GHR: variants seen among roughly 807,000 people sequenced by gnomAD.
GHR encodes GH receptor.
GHR carries 35 observed loss-of-function variants against 67.1 expected under a neutral mutation model. The observed-to-expected ratio is 0.52, with a 90% CI of 0.40 to 0.69. The LOEUF (loss-of-function observed/expected upper bound fraction) is 0.69. GHR is among the 30% of genes least tolerant of loss of function. GHR has a pLI of 0.00. For synonymous variants in GHR, 272 were observed against 269.1 expected (o/e 1.01, Z -0.10); for missense variants, 792 against 764.6 (o/e 1.04, Z -0.42).
At chr5:42,621,457 A>C (rs1479870082) in intron 2 of GHR, among the ~76,000 whole-genome samples, 1 of 152,122 alleles carries the variant, frequency 6.6e-6, no homozygotes, top group Non-Finnish European at 1.5e-5. Flanking sequence ...GATGTTTATG[A>C]AAAACTCACC....
intron 6 of GHR, among the ~76,000 whole-genome samples, chr5:42,701,030 T>A (rs1757904580): frequency 6.6e-6 from 1 of 152,204 alleles, no homozygotes; most frequent in African/African-American, 2.4e-5. Flanking sequence ...AAATAACTAC[T>A]ATGCAGAAGG....
intron 1 of GHR, among the ~76,000 whole-genome samples, chr5:42,447,882 T>A (rs1367219214): frequency 6.6e-6 from 1 of 151,850 alleles, no homozygotes; most frequent in Non-Finnish European, 1.5e-5. Context: ...GCAATTCTCC[T>A]GTCTCAGCCT....
chr5:42,473,047 GA>G (rs1745079236), intron 1 of GHR, among the ~76,000 whole-genome samples: 1 of 152,232 alleles, frequency 6.6e-6, no homozygotes, highest in South Asian at 2.1e-4. Flanking sequence ...CTAAGTGAAA[GA>G]GGTATGAATA....
intron 3 of GHR, among the ~76,000 whole-genome samples, chr5:42,664,422 C>T (rs1195718322): frequency 6.6e-6 from 1 of 152,114 alleles, no homozygotes; most frequent in Non-Finnish European, 1.5e-5. Flanking sequence ...CAGAACAGAG[C>T]CCTCAGAAAT....
At chr5:42,473,914 G>T (rs565676970) in intron 1 of GHR, among the ~76,000 whole-genome samples, 39 of 151,492 alleles carry the variant, frequency 2.6e-4, no homozygotes, top group African/African-American at 9.2e-4. Flanking sequence ...CTAGCCAGGC[G>T]TGGTGGTTCA....
intron 1 of GHR, among the ~76,000 whole-genome samples, chr5:42,533,478 AT>A (rs933883174): frequency 8.9e-4 from 135 of 151,928 alleles, no homozygotes; most frequent in African/African-American, 3.2e-3. Context: ...TATAGTTAAT[AT>A]TTTTTATTAC....
At chr5:42,500,931 T>C (rs940753945) in intron 1 of GHR, among the ~76,000 whole-genome samples, 1 of 152,056 alleles carries the variant, frequency 6.6e-6, no homozygotes, top group African/African-American at 2.4e-5. Context: ...TAGAATAACT[T>C]ACAATGAAAA....
At chr5:42,564,476 G>A (rs978353868) in intron 1 of GHR, among the ~76,000 whole-genome samples, 1 of 152,186 alleles carries the variant, frequency 6.6e-6, no homozygotes, top group Non-Finnish European at 1.5e-5. Context: ...ATGAAGTAGT[G>A]TATGAAGGAG....
At chr5:42,610,226 T>C (rs1340449457) in intron 2 of GHR, among the ~76,000 whole-genome samples, 1 of 152,180 alleles carries the variant, frequency 6.6e-6, no homozygotes, top group East Asian at 1.9e-4. Context: ...GCTGTGTTCT[T>C]GCAGCTGCTG....
At chr5:42,669,811 A>G (rs1391352708) in intron 3 of GHR, among the ~76,000 whole-genome samples, 1 of 152,232 alleles carries the variant, frequency 6.6e-6, no homozygotes, top group African/African-American at 2.4e-5. Context: ...TTAGGAGTAA[A>G]TTTAACCAAG....
intron 3 of GHR, among the ~76,000 whole-genome samples, chr5:42,656,789 A>G (rs934131381): frequency 5.3e-5 from 8 of 152,004 alleles, no homozygotes; most frequent in East Asian, 3.8e-4. Flanking sequence ...TTTAGACCCA[A>G]TCTCTGTGTA....
intron 8 of GHR, 24 bp downstream of exon 8, chr5:42,713,543 G>T: frequency 1.0e-6 from 1 of 959,890 alleles, no homozygotes. Flanking sequence ...AGTATTCTTT[G>T]GTATTTTGTA....
intron 1 of GHR, among the ~76,000 whole-genome samples, chr5:42,558,754 A>T (rs1358217286): frequency 6.6e-6 from 1 of 152,216 alleles, no homozygotes; most frequent in Non-Finnish European, 1.5e-5. Context: ...TGTGGTGTTC[A>T]CAGAACCATG....
rs538735803 is a variant in GHR at position 42,450,704 on chromosome 5, T to A, written c.-12+26749T>A. Among the ~76,000 whole-genome samples the A allele has an allele frequency of 3.9e-5, 6 of 152,290 alleles. No individual in the cohort carries two copies. In the South Asian group the frequency reaches 1.2e-3, roughly 32 times the overall value. On this transcript the variant is annotated intron_variant, in intron 1 of 9. Transcript: ENST00000230882. ...GTTTGTTTTTTTCTTGTTTCCCTAGTTCCTTGAGGTGTGACCTTAGATTGT... is the reference window on the plus strand; with the variant it reads ...GTTTGTTTTTTTCTTGTTTCCCTAGATCCTTGAGGTGTGACCTTAGATTGT...
intron 1 of GHR, among the ~76,000 whole-genome samples, chr5:42,451,828 C>T (rs185071629): frequency 1.1e-4 from 17 of 152,156 alleles, no homozygotes; most frequent in East Asian, 5.8e-4. Flanking sequence ...TTGACAACAG[C>T]GGATACTTGG....
At chr5:42,559,607 A>G (rs1466690841) in intron 1 of GHR, among the ~76,000 whole-genome samples, 4 of 152,196 alleles carry the variant, frequency 2.6e-5, no homozygotes, top group Non-Finnish European at 5.9e-5. Flanking sequence ...GAGGCCTACT[A>G]TATATACAAC....
chr5:42,567,339 C>T (rs1749999091), intron 2 of GHR, among the ~76,000 whole-genome samples: 1 of 152,206 alleles, frequency 6.6e-6, no homozygotes, highest in Admixed American at 6.5e-5. Flanking sequence ...CATTTTAGAA[C>T]TAGAAAGTCT....
At chr5:42,647,653 A>AGT in intron 3 of GHR, 1 of 451,896 alleles carries the variant, frequency 2.2e-6, no homozygotes. Flanking sequence ...TACTTCTAGG[A>AGT]GTCTTACATG....
intron 3 of GHR, among the ~76,000 whole-genome samples, chr5:42,665,684 C>T (rs1419200379): frequency 2.0e-5 from 3 of 151,688 alleles, no homozygotes; most frequent in African/African-American, 7.3e-5. Context: ...CAGCATGCCA[C>T]ATGTATACAC....
Sources: gnomAD v4.1 joint callset for allele counts (sites outside exome capture counted in the v4.1 genomes callset) on GRCh38, gnomAD v4.1.1 for gene constraint, MANE v1.5 for transcripts, NCBI Gene and HGNC (gene_info 2026-07-23, HGNC 2026-07-21) for gene names.